STIM1: variants seen among roughly 807,000 people sequenced by gnomAD.
STIM1 encodes stromal interaction molecule 1.
Under a neutral mutation model 74.7 loss-of-function variants are expected in STIM1, and 25 were observed. The observed-to-expected ratio is 0.33, with a 90% CI of 0.24 to 0.47. The LOEUF is 0.47. Among genes scored for constraint, STIM1 ranks in the 20% least tolerant of loss-of-function variants. The probability of loss-of-function intolerance (pLI) is 1.00; values close to 1 mark genes in which losing one functional copy is unlikely to be tolerated. For missense variants in STIM1, 728 were observed against 920.8 expected (o/e 0.79, Z 2.71); for synonymous variants, 328 against 348.8 (o/e 0.94, Z 0.66).
intron 3 of STIM1, among the ~76,000 whole-genome samples, chr11:4,037,445 G>A (rs574502814): frequency 5.3e-5 from 8 of 152,234 alleles, no homozygotes; most frequent in Admixed American, 1.3e-4. Context: ...TCTGGTTCAC[G>A]TATTTTGAAG....
At chr11:3,901,908 C>G (rs917787040) in intron 1 of STIM1, among the ~76,000 whole-genome samples, 2 of 152,166 alleles carry the variant, frequency 1.3e-5, no homozygotes, top group Non-Finnish European at 2.9e-5. Context: ...GCTGAAACTA[C>G]AGGCACGTGC....
chr11:3,992,132 C>T (rs1326696221), intron 2 of STIM1, among the ~76,000 whole-genome samples: 4 of 104,072 alleles, frequency 3.8e-5, no homozygotes, highest in African/African-American at 1.5e-4. Context: ...AATAACTTTG[C>T]GTCCTGGTAT....
At chr11:3,942,884 AGGTAGAGAAAC>A (rs2093028087) in intron 1 of STIM1, among the ~76,000 whole-genome samples, 1 of 152,178 alleles carries the variant, frequency 6.6e-6, no homozygotes, top group Non-Finnish European at 1.5e-5. Flanking sequence ...TTTGAGAGCA[AGGTAGAGAAAC>A]CTCTTGTAGA....
At chr11:4,047,304 A>AC (rs967117150) in intron 3 of STIM1, among the ~76,000 whole-genome samples, 4 of 151,984 alleles carry the variant, frequency 2.6e-5, no homozygotes, top group African/African-American at 9.7e-5. Flanking sequence ...GCATTGGGAG[A>AC]CCCCATCTCT....
At chr11:3,920,181 A>G (rs986705171) in intron 1 of STIM1, among the ~76,000 whole-genome samples, 3 of 151,926 alleles carry the variant, frequency 2.0e-5, no homozygotes, top group African/African-American at 7.3e-5. Context: ...GACTGGTTTC[A>G]AAGTCCTGCC....
chr11:4,038,679 G>A (rs1452587493), intron 3 of STIM1, among the ~76,000 whole-genome samples: 1 of 152,116 alleles, frequency 6.6e-6, no homozygotes, highest in African/African-American at 2.4e-5. Context: ...TTCCATCTCT[G>A]GTACTTCAGC....
chr11:3,869,914 G>A (rs2091015984), intron 1 of STIM1, among the ~76,000 whole-genome samples: 1 of 152,136 alleles, frequency 6.6e-6, no homozygotes, highest in South Asian at 2.1e-4. Context: ...AGGAAGGGAA[G>A]GAAAGAAAGA....
At chr11:3,999,172 C>A (rs2093688999) in intron 2 of STIM1, among the ~76,000 whole-genome samples, 1 of 152,090 alleles carries the variant, frequency 6.6e-6, no homozygotes, top group South Asian at 2.1e-4. Context: ...ATGGTAAGAC[C>A]CTGTCTCTAC....
At position 4,013,690 on chromosome 11, in the gene STIM1, C is replaced by CTTTT. The variant is rs1169600270; in HGVS notation, c.271-10154_271-10151dup. ...AACCAGCTCCTGGATTCATTGATTTCTTTTTTTTTTTTTTTTTTTTTTTTT... is the reference window on the plus strand; with the variant it reads ...AACCAGCTCCTGGATTCATTGATTTCTTTTTTTTTTTTTTTTTTTTTTTTTTTTT... On this transcript the variant is annotated intron_variant, in intron 2 of 12. Transcript: ENST00000526596. Among the ~76,000 whole-genome samples the CTTTT allele has an allele frequency of 3.1e-3, 162 of 51,928 alleles. 29 individuals carry two copies. Among genetic ancestry groups the CTTTT allele is most frequent in the Non-Finnish European group, 3.4e-3 (107 of 31,388 alleles). 34.1% of individuals were successfully genotyped at this position (51,928 alleles called of 152,430 possible).
chr11:3,992,909 A>G (rs1211531075), intron 2 of STIM1, among the ~76,000 whole-genome samples: 4 of 152,224 alleles, frequency 2.6e-5, no homozygotes, highest in Admixed American at 6.5e-5. Context: ...TCAACTCCAC[A>G]TCTATTGGTA....
At chr11:3,985,202 T>G (rs1273857799) in intron 2 of STIM1, among the ~76,000 whole-genome samples, 1 of 152,228 alleles carries the variant, frequency 6.6e-6, no homozygotes, top group African/African-American at 2.4e-5. Flanking sequence ...GTTGTTTTCC[T>G]TCCCCCCTCT....
At chr11:3,919,427 A>T (rs182994770) in intron 1 of STIM1, among the ~76,000 whole-genome samples, 3 of 151,696 alleles carry the variant, frequency 2.0e-5, no homozygotes, top group Admixed American at 6.6e-5. Flanking sequence ...CTGGTCTCGA[A>T]CTCCTGACCT....
At chr11:3,944,646 C>T (rs575388520) in intron 1 of STIM1, among the ~76,000 whole-genome samples, 5 of 152,214 alleles carry the variant, frequency 3.3e-5, no homozygotes, top group Admixed American at 6.5e-5. Flanking sequence ...CACTGTGCCA[C>T]CTAGGACAAA....
chr11:4,052,589 A>G (rs2094252240), intron 3 of STIM1, among the ~76,000 whole-genome samples: 1 of 152,242 alleles, frequency 6.6e-6, no homozygotes, highest in South Asian at 2.1e-4. Flanking sequence ...AAATTAATTC[A>G]AGATGGATTA....
chr11:3,918,028 G>A (rs2092671150), intron 1 of STIM1, among the ~76,000 whole-genome samples: 1 of 152,172 alleles, frequency 6.6e-6, no homozygotes, highest in Non-Finnish European at 1.5e-5. Flanking sequence ...TATTGACTGA[G>A]TAACTAGAAA....
intron 2 of STIM1, among the ~76,000 whole-genome samples, chr11:3,987,121 C>CACTAGGTTTCTCCTCAGAT (rs1282463461): frequency 1.5e-4 from 23 of 151,498 alleles, no homozygotes; most frequent in African/African-American, 5.6e-4. Flanking sequence ...TATCCTCAGA[C>CACTAGGTTTCTCCTCAGAT]ACTAGGTTTC....
At chr11:3,962,177 A>C (rs1056295909) in intron 1 of STIM1, among the ~76,000 whole-genome samples, 1 of 152,176 alleles carries the variant, frequency 6.6e-6, no homozygotes, top group African/African-American at 2.4e-5. Flanking sequence ...TAGTGTATCC[A>C]TCACCCAAAT....
At chr11:3,984,012 A>G (rs1041510834) in intron 2 of STIM1, among the ~76,000 whole-genome samples, 2 of 151,988 alleles carry the variant, frequency 1.3e-5, no homozygotes, top group Non-Finnish European at 2.9e-5. Context: ...GATTACAGGC[A>G]TATGCCAGCA....
chr11:4,057,437 G>A (rs2094298552), intron 4 of STIM1, among the ~76,000 whole-genome samples: 1 of 152,164 alleles, frequency 6.6e-6, no homozygotes, highest in South Asian at 2.1e-4. Context: ...TGAAGTGAGG[G>A]TGGTTCTAGG....
Sources: allele counts gnomAD v4.1 joint callset (sites outside exome capture counted in the v4.1 genomes callset), GRCh38; gene constraint gnomAD v4.1.1; transcripts MANE v1.5; gene names NCBI Gene and HGNC (gene_info 2026-07-23, HGNC 2026-07-21).